The following AFDN variants were observed in gnomAD, a reference collection of about 807,000 sequenced individuals.
AFDN encodes the protein afadin, adherens junction formation factor.
In AFDN, 68 loss-of-function variants were observed where a neutral mutation model predicts 216.6. That is an observed-to-expected ratio of 0.31 (90% CI 0.26 to 0.38). The LOEUF is 0.38. Ranked by LOEUF, AFDN falls within the 10% of genes least tolerant of loss-of-function variation. AFDN has a pLI of 1.00. For synonymous variants in AFDN, 868 were observed against 853.7 expected, an observed-to-expected ratio of 1.02 and a Z score of -0.29; for missense variants, 2,136 against 2,342.0, an observed-to-expected ratio of 0.91 and a Z score of 1.82.
intron 1 of AFDN, among the ~76,000 whole-genome samples, chr6:167,843,035 TA>T (rs1006890212): frequency 6.6e-6 from 1 of 152,164 alleles, no homozygotes; most frequent in Non-Finnish European, 1.5e-5. Flanking sequence ...TGGCATAGGA[TA>T]GGGGAGGAAA....
At chr6:167,827,748 G>A (rs1330743189) in intron 1 of AFDN, 1 of 152,164 alleles carries the variant, frequency 6.6e-6, no homozygotes, top group Admixed American at 6.5e-5. Flanking sequence ...GTATCACAAA[G>A]TTCGGGAGGT....
chr6:167,901,504 T>C (rs1350567584), intron 11 of AFDN, among the ~76,000 whole-genome samples: 1 of 152,216 alleles, frequency 6.6e-6, no homozygotes, highest in Non-Finnish European at 1.5e-5. Flanking sequence ...GAAGAATCAG[T>C]TTAAACTAGG....
intron 30 of AFDN, among the ~76,000 whole-genome samples, chr6:167,957,652 G>C (rs191837584): frequency 6.6e-6 from 1 of 152,160 alleles, no homozygotes; most frequent in African/African-American, 2.4e-5. Flanking sequence ...CCTGGAATTC[G>C]TCAGGATGTC....
At chr6:167,917,021 A>G (rs1791165015) in intron 19 of AFDN, 68 bp from the exon 20 acceptor site, 3 of 1,355,854 alleles carry the variant, frequency 2.2e-6, no homozygotes, top group East Asian at 2.5e-5. Context: ...TAAATATTAC[A>G]TAAAGGATAA....
rs766671223 is a variant in AFDN at position 167,952,115 on chromosome 6, C to A, written c.4761C>A (p.Asp1587Glu). 4 of 1,614,040 alleles carry A rather than the reference C, an allele frequency of 2.5e-6. No homozygotes were observed. Among genetic ancestry groups the A allele is most frequent in the Middle Eastern group, 1.7e-4 (1 of 6,058 alleles). ...LQESKQKDED[D>E]EEEEDDDVDT... ...AGTCGAAGCAGAAGGACGAAGATGA[C>A]GAGGAGGAGGAGGACGATGATGTGG... The change falls in exon 30 of 34, where the codon GAC becomes GAA. Residue 1587 changes from aspartate to glutamate, a missense_variant. Physicochemically the swap from Asp to Glu is conservative, Grantham distance 45. Coordinates refer to ENST00000683244, the MANE Select transcript of AFDN (RefSeq NM_001386888.1).
intron 1 of AFDN, among the ~76,000 whole-genome samples, chr6:167,858,983 G>A (rs1783213655): frequency 6.6e-6 from 1 of 151,978 alleles, no homozygotes; most frequent in Non-Finnish European, 1.5e-5. Flanking sequence ...AATGAGGAGT[G>A]GGAGGAAAGG....
intron 6 of AFDN, among the ~76,000 whole-genome samples, chr6:167,881,097 G>A (rs189494927): frequency 2.2e-3 from 342 of 152,298 alleles, no homozygotes; most frequent in African/African-American, 7.9e-3. Context: ...TTTGTGAGCA[G>A]AGTGTATCTC....
At chr6:167,863,647 T>TAATTCCCAAAAATTC in intron 1 of AFDN, 1 of 382,374 alleles carries the variant, frequency 2.6e-6, no homozygotes, top group African/African-American at 2.1e-5. Context: ...AGAAATATTC[T>TAATTCCCAAAAATTC]CTGGAATTTT....
intron 13 of AFDN, among the ~76,000 whole-genome samples, chr6:167,908,856 A>G (rs1444332004): frequency 6.6e-6 from 1 of 152,190 alleles, no homozygotes; most frequent in African/African-American, 2.4e-5. Flanking sequence ...TGTTTTTCAC[A>G]TGGGCAGTGT....
intron 31 of AFDN, chr6:167,963,511 T>G (rs1195364494): frequency 1.7e-5 from 18 of 1,054,726 alleles, no homozygotes; most frequent in Non-Finnish European, 2.1e-5. Flanking sequence ...TTGTAGGGAG[T>G]TTTTTGTAGT....
intron 1 of AFDN, among the ~76,000 whole-genome samples, chr6:167,864,116 G>A (rs1783895030): frequency 6.6e-6 from 1 of 152,154 alleles, no homozygotes; most frequent in Non-Finnish European, 1.5e-5. Flanking sequence ...GGAGTCTGGT[G>A]GATCTGGGTC....
At chr6:167,889,858 A>G (rs1283313056) in intron 7 of AFDN, among the ~76,000 whole-genome samples, 1 of 152,260 alleles carries the variant, frequency 6.6e-6, no homozygotes, top group South Asian at 2.1e-4. Flanking sequence ...CCAGTAGTAG[A>G]AAACACATTT....
At chr6:167,906,213 G>A (rs1789667726) in intron 12 of AFDN, among the ~76,000 whole-genome samples, 1 of 152,172 alleles carries the variant, frequency 6.6e-6, no homozygotes, top group Non-Finnish European at 1.5e-5. Flanking sequence ...TTTAAATGAT[G>A]TAATAAAGCA....
At chr6:167,929,944 A>G (rs1365233534) in intron 23 of AFDN, among the ~76,000 whole-genome samples, 9 of 152,220 alleles carry the variant, frequency 5.9e-5, no homozygotes, top group South Asian at 2.1e-4. Flanking sequence ...GCTCATGCCT[A>G]TAATCCCAGC....
At position 167,943,605 on chromosome 6, in the gene AFDN, C is replaced by T. The variant is rs116488930; in HGVS notation, c.3239+130C>T. On this transcript the variant is annotated intron_variant, in intron 25 of 33. Transcript: ENST00000683244. ...ATTACTCTTTACCTTTTATAGTGTA[C>T]GTGACATTTCACTTGTTATCAAATT... 2,933 of 678,858 alleles carry T rather than the reference C, an allele frequency of 4.3e-3. 75 individuals carry two copies. The African/African-American group carries it at 0.047, about 11-fold the overall frequency. The allele number at this position is 678,858 out of a possible 1,614,324, so 42.1% of individuals were successfully genotyped here. A position where few individuals can be genotyped will look rare whatever the true frequency, so the allele number is the denominator to read the frequency against.
At chr6:167,964,111 T>C in intron 31 of AFDN, 1 of 1,064,110 alleles carries the variant, frequency 9.4e-7, no homozygotes. Context: ...TTTTCCAATG[T>C]GTTTTCATAA....
chr6:167,911,377 G>C lies in AFDN; in HGVS notation c.1925G>C (p.Cys642Ser). 2 of 1,614,022 alleles carry C rather than the reference G, an allele frequency of 1.2e-6. No individual in the cohort carries two copies. Among genetic ancestry groups the C allele is most frequent in the Admixed American group, 1.7e-5 (1 of 60,012 alleles). Residue 642 changes from cysteine to serine, a missense_variant, in exon 15 of 34, where the codon TGC becomes TCC. Around this residue, in one of 8 missense-constraint regions of AFDN, gnomAD observed 817 missense variants for 965.7 expected, o/e 0.85. Transcript: ENST00000683244. ...LSPTYVLYMA[C>S]RYVLSNQYRP... Reference sequence around the variant, plus strand: ...CCTACATATGTATTATATATGGCATGCCGGTATGTATTGTCCAACCAGTAC... The same window carrying C: ...CCTACATATGTATTATATATGGCATCCCGGTATGTATTGTCCAACCAGTAC...
At position 167,930,750 on chromosome 6, in the gene AFDN, G is replaced by A. The variant is rs927344162; in HGVS notation, c.3099+5659G>A. On this transcript the variant is annotated intron_variant, in intron 23 of 33. Coordinates refer to ENST00000683244, the MANE Select transcript of AFDN (RefSeq NM_001386888.1). ...ACAGGGCAGTTTGTGGCATAGCGTGGCTGTGTTCCAATAAAACTTCATAAA... is the reference window on the plus strand; with the variant it reads ...ACAGGGCAGTTTGTGGCATAGCGTGACTGTGTTCCAATAAAACTTCATAAA... Among the ~76,000 whole-genome samples, 3 of 152,200 alleles carry A rather than the reference G, an allele frequency of 2.0e-5. No individual in the cohort carries two copies. In the East Asian group the frequency reaches 5.8e-4, roughly 29 times the overall value.
chr6:167,891,452 G>T (rs980099295), intron 8 of AFDN, among the ~76,000 whole-genome samples: 85 of 110,308 alleles, frequency 7.7e-4, no homozygotes, highest in South Asian at 5.1e-3. Flanking sequence ...TGTGTGTGTG[G>T]CTGTTGTTTC....
Sources: gnomAD v4.1 joint callset for allele counts (sites outside exome capture counted in the v4.1 genomes callset) on GRCh38, gnomAD v4.1.1 for gene constraint, gnomAD v4.1.1 regional missense constraint, MANE v1.5 for transcripts, NCBI Gene and HGNC (gene_info 2026-07-23, HGNC 2026-07-21) for gene names.